The following XRCC4 variants were observed in gnomAD, a reference collection of about 807,000 sequenced individuals.
XRCC4 encodes X-ray repair cross complementing 4.
Under a neutral mutation model 39.1 loss-of-function variants are expected in XRCC4, and 28 were observed. The observed-to-expected ratio is 0.72, with a 90% CI of 0.53 to 0.98. The LOEUF (loss-of-function observed/expected upper bound fraction) is 0.98, where lower values mean the gene tolerates loss of function less well. Among genes scored for constraint, XRCC4 ranks in the 50% least tolerant of loss-of-function variants. The probability of loss-of-function intolerance (pLI) is 0.00; values close to 1 mark genes in which losing one functional copy is unlikely to be tolerated. For synonymous variants in XRCC4, 123 were observed against 126.4 expected (o/e 0.97, Z 0.18); for missense variants, 350 against 376.4 (o/e 0.93, Z 0.58).
intron 7 of XRCC4, among the ~76,000 whole-genome samples, chr5:83,320,701 T>C (rs1756038752): frequency 6.6e-6 from 1 of 152,096 alleles, no homozygotes; most frequent in Non-Finnish European, 1.5e-5. Context: ...GCCATCAATA[T>C]TGAGGCAAGA....
intron 3 of XRCC4, among the ~76,000 whole-genome samples, chr5:83,183,412 T>TG (rs1750289461): frequency 2.2e-5 from 3 of 139,438 alleles, no homozygotes; most frequent in South Asian, 4.9e-4. Context: ...TTTCATTTAT[T>TG]TGTGTGTGTG....
At chr5:83,106,321 A>G (rs1746196329) in intron 2 of XRCC4, among the ~76,000 whole-genome samples, 1 of 152,156 alleles carries the variant, frequency 6.6e-6, no homozygotes, top group South Asian at 2.1e-4. Context: ...TTCTAACAAC[A>G]CAGCTTGGAA....
chr5:83,320,650 C>T (rs956528527), intron 7 of XRCC4, among the ~76,000 whole-genome samples: 3 of 151,840 alleles, frequency 2.0e-5, no homozygotes, highest in Admixed American at 6.6e-5. Flanking sequence ...ATTGCACAGC[C>T]ACTTAATACC....
intron 7 of XRCC4, among the ~76,000 whole-genome samples, chr5:83,274,748 T>C (rs371921975): frequency 1.3e-5 from 2 of 152,272 alleles, no homozygotes; most frequent in African/African-American, 4.8e-5. Flanking sequence ...ATCCATTGTA[T>C]TGAAGGAGTA....
chr5:83,201,005 CAG>C (rs991575558), intron 4 of XRCC4, among the ~76,000 whole-genome samples: 6 of 152,058 alleles, frequency 3.9e-5, no homozygotes, highest in Non-Finnish European at 7.4e-5. Flanking sequence ...ACTTCTTTCT[CAG>C]AGAACTTTGC....
chr5:83,161,350 G>A (rs900582995), intron 3 of XRCC4, among the ~76,000 whole-genome samples: 32 of 152,014 alleles, frequency 2.1e-4, no homozygotes, highest in African/African-American at 7.2e-4. Context: ...CAGGCTGTTC[G>A]TGAACTCCTG....
chr5:83,195,507 G>A (rs2112699991), intron 3 of XRCC4, among the ~76,000 whole-genome samples: 1 of 151,936 alleles, frequency 6.6e-6, no homozygotes, highest in East Asian at 1.9e-4. Flanking sequence ...TATTTATGTT[G>A]CTTTCTTTTC....
chr5:83,188,868 A>G (rs997551483), intron 3 of XRCC4, among the ~76,000 whole-genome samples: 1 of 152,208 alleles, frequency 6.6e-6, no homozygotes, highest in African/African-American at 2.4e-5. Context: ...TGAGTAGACA[A>G]TAGAGAAGCA....
intron 7 of XRCC4, among the ~76,000 whole-genome samples, chr5:83,266,455 A>C (rs1356717101): frequency 1.3e-5 from 2 of 151,734 alleles, no homozygotes; most frequent in Non-Finnish European, 2.9e-5. Context: ...CAAAATAAGA[A>C]GATATGAACC....
chr5:83,166,925 A>G (rs1483165652), intron 3 of XRCC4, among the ~76,000 whole-genome samples: 1 of 151,370 alleles, frequency 6.6e-6, no homozygotes, highest in Non-Finnish European at 1.5e-5. Flanking sequence ...TCTGTCACCC[A>G]GACTGGGGTG....
chr5:83,093,855 A>G (rs1745544111), intron 1 of XRCC4, among the ~76,000 whole-genome samples: 1 of 152,144 alleles, frequency 6.6e-6, no homozygotes, highest in Non-Finnish European at 1.5e-5. Flanking sequence ...TTTTTGAAAG[A>G]CATCTTTGCT....
At chr5:83,130,082 C>T (rs1747490056) in intron 3 of XRCC4, among the ~76,000 whole-genome samples, 1 of 152,128 alleles carries the variant, frequency 6.6e-6, no homozygotes, top group Non-Finnish European at 1.5e-5. Context: ...TTTGCCCATT[C>T]AGTATGATAT....
chr5:83,128,057 T>G (rs1457039943), intron 3 of XRCC4, among the ~76,000 whole-genome samples: 1 of 152,078 alleles, frequency 6.6e-6, no homozygotes, highest in African/African-American at 2.4e-5. Context: ...ATGTGCCATG[T>G]TGCTGTGCTG....
intron 6 of XRCC4, among the ~76,000 whole-genome samples, chr5:83,223,563 A>G (rs1387625722): frequency 6.7e-6 from 1 of 150,016 alleles, no homozygotes; most frequent in Non-Finnish European, 1.5e-5. Context: ...GGTTTTGGTC[A>G]CCATTTGAAT....
At chr5:83,321,472 TTG>T (rs1210450974) in intron 7 of XRCC4, among the ~76,000 whole-genome samples, 2 of 152,324 alleles carry the variant, frequency 1.3e-5, no homozygotes, top group African/African-American at 4.8e-5. Context: ...ATGGAAATAC[TTG>T]TGTATAAATA....
At chr5:83,121,732 T>A (rs1234909549) in intron 3 of XRCC4, among the ~76,000 whole-genome samples, 4 of 152,216 alleles carry the variant, frequency 2.6e-5, no homozygotes, top group Middle Eastern at 3.2e-3. Flanking sequence ...TTTTTTTCTT[T>A]TATTAATCAT....
intron 3 of XRCC4, among the ~76,000 whole-genome samples, chr5:83,194,385 G>T (rs1750852678): frequency 2.6e-5 from 4 of 152,120 alleles, no homozygotes; most frequent in Admixed American, 2.6e-4. Flanking sequence ...CCTGTTAAGT[G>T]GACTCATATT....
At chr5:83,197,420 A>C (rs924820974) in intron 4 of XRCC4, among the ~76,000 whole-genome samples, 1 of 152,274 alleles carries the variant, frequency 6.6e-6, no homozygotes, top group South Asian at 2.1e-4. Context: ...TTTGATCCAC[A>C]AATTGCCTAC....
chr5:83,305,928 G>C (rs1302665632), intron 7 of XRCC4, among the ~76,000 whole-genome samples: 2 of 152,162 alleles, frequency 1.3e-5, no homozygotes, highest in African/African-American at 4.8e-5. Context: ...ACAGCACAAT[G>C]AGAACTCATT....
Sources: allele counts gnomAD v4.1 joint callset (sites outside exome capture counted in the v4.1 genomes callset), GRCh38; gene constraint gnomAD v4.1.1; transcripts MANE v1.5; gene names NCBI Gene and HGNC (gene_info 2026-07-23, HGNC 2026-07-21).